Variants in RALGPS1 observed in about 807,000 individuals in gnomAD.
RALGPS1 encodes the protein Ral GEF with PH domain and SH3 binding motif 1.
A neutral mutation model predicts 78.8 loss-of-function variants in RALGPS1; 19 were observed. The ratio of observed to expected loss-of-function variants is 0.24; its 90% CI spans 0.17 to 0.35. The LOEUF is 0.35. Ranked by LOEUF, RALGPS1 falls within the 10% of genes least tolerant of loss-of-function variation. The pLI, the probability that RALGPS1 is intolerant of heterozygous loss-of-function variation, is 1.00. For missense variants in RALGPS1, 454 were observed against 688.3 expected (o/e 0.66, Z 3.81); for synonymous variants, 228 against 256.3 (o/e 0.89, Z 1.06).
In RALGPS1 at chr9:127,168,532, A is replaced by T. The variant is rs2059405012; in HGVS notation, c.749-147A>T. The T allele has an allele frequency of 4.6e-5, 30 of 651,518 alleles. No individual in the cohort carries two copies. In the South Asian group the frequency reaches 5.5e-4, roughly 12 times the overall value. 40.4% of individuals were successfully genotyped at this position (651,518 alleles called of 1,614,324 possible). On this transcript the variant is annotated intron_variant, in intron 9 of 18. Transcript: ENST00000259351. ...CTGTTCCAGTGGCCAGCACAGGGCCAGTCCCCAAAGAGCATCAGCAACTGC... is the reference window on the plus strand; with the variant it reads ...CTGTTCCAGTGGCCAGCACAGGGCCTGTCCCCAAAGAGCATCAGCAACTGC...
intron 4 of RALGPS1, among the ~76,000 whole-genome samples, chr9:127,019,931 T>C (rs1318214916): frequency 6.6e-6 from 1 of 152,198 alleles, no homozygotes; most frequent in Non-Finnish European, 1.5e-5. Flanking sequence ...TTCTCTTTTT[T>C]AAAATCTCAG....
chr9:127,144,688 G>A (rs1056512109), intron 8 of RALGPS1, among the ~76,000 whole-genome samples: 1 of 152,220 alleles, frequency 6.6e-6, no homozygotes, highest in Admixed American at 6.5e-5. Flanking sequence ...GTGAAGTACC[G>A]ATCCATGCTA....
intron 8 of RALGPS1, among the ~76,000 whole-genome samples, chr9:127,136,312 G>T (rs1017950533): frequency 6.6e-6 from 1 of 152,222 alleles, no homozygotes; most frequent in Non-Finnish European, 1.5e-5. Flanking sequence ...CAGCCAGGGA[G>T]GGGGAGGCCT....
At chr9:127,124,096 C>T (rs1373682213) in intron 8 of RALGPS1, among the ~76,000 whole-genome samples, 1 of 152,212 alleles carries the variant, frequency 6.6e-6, no homozygotes, top group African/African-American at 2.4e-5. Context: ...CAATCTCTCC[C>T]AGTCCCCAAG....
intron 8 of RALGPS1, among the ~76,000 whole-genome samples, chr9:127,155,353 AGT>A (rs1229463770): frequency 6.6e-6 from 1 of 152,206 alleles, no homozygotes; most frequent in East Asian, 1.9e-4. Flanking sequence ...AGGAAAGGAC[AGT>A]GTGCTGCGAG....
At chr9:126,998,765 A>AC (rs1305333000) in intron 4 of RALGPS1, among the ~76,000 whole-genome samples, 1 of 152,006 alleles carries the variant, frequency 6.6e-6, no homozygotes. Context: ...CTTGGAACCA[A>AC]CCTAAATGTC....
At chr9:127,215,329 G>C (rs971257845) in intron 18 of RALGPS1, among the ~76,000 whole-genome samples, 1 of 152,230 alleles carries the variant, frequency 6.6e-6, no homozygotes, top group Admixed American at 6.5e-5. Context: ...GTGTGTTTGA[G>C]CCAGCAGGAT....
At chr9:127,187,426 C>T (rs908431058) in intron 11 of RALGPS1, among the ~76,000 whole-genome samples, 3 of 152,252 alleles carry the variant, frequency 2.0e-5, no homozygotes, top group African/African-American at 4.8e-5. Flanking sequence ...CTGCCTCCAG[C>T]GTGCAGTAGC....
intron 1 of RALGPS1, among the ~76,000 whole-genome samples, chr9:126,922,802 C>T (rs574051964): frequency 9.8e-5 from 15 of 152,348 alleles, no homozygotes; most frequent in African/African-American, 3.6e-4. Flanking sequence ...GGGCCTACCC[C>T]AGGGCTGGTA....
At chr9:127,215,499 C>T (rs1452542269) in intron 18 of RALGPS1, among the ~76,000 whole-genome samples, 3 of 152,202 alleles carry the variant, frequency 2.0e-5, no homozygotes, top group East Asian at 1.9e-4. Context: ...TTACTGTCTC[C>T]GTTTTATGCT....
chr9:127,013,539 C>T (rs2044544944), intron 4 of RALGPS1, among the ~76,000 whole-genome samples: 1 of 152,154 alleles, frequency 6.6e-6, no homozygotes, highest in African/African-American at 2.4e-5. Flanking sequence ...CTATCTTCCC[C>T]TTTTCCACCT....
chr9:127,037,187 G>A (rs553934651), intron 5 of RALGPS1, among the ~76,000 whole-genome samples: 1 of 152,340 alleles, frequency 6.6e-6, no homozygotes, highest in South Asian at 2.1e-4. Flanking sequence ...AAACAAAGGG[G>A]CAGAGTAGTA....
chr9:127,071,113 CATAT>C (rs79918276), intron 8 of RALGPS1, among the ~76,000 whole-genome samples: 66,926 of 148,028 alleles, frequency 0.45, 15,751 homozygotes, highest in Non-Finnish European at 0.52. Context: ...CTAAAGCAAA[CATAT>C]ATATATATAT....
intron 8 of RALGPS1, among the ~76,000 whole-genome samples, chr9:127,080,707 ATAAATATT>A (rs1229190032): frequency 1.3e-5 from 2 of 152,210 alleles, no homozygotes. Flanking sequence ...GTCCCAACTG[ATAAATATT>A]TAGACTGTTT....
At chr9:127,168,264 TG>T in intron 9 of RALGPS1, among the ~76,000 whole-genome samples, 1 of 152,320 alleles carries the variant, frequency 6.6e-6, no homozygotes, top group East Asian at 1.9e-4. Flanking sequence ...GTCACACAGC[TG>T]GTGGGTAGAT....
At chr9:127,117,220 A>T (rs151125475) in intron 8 of RALGPS1, among the ~76,000 whole-genome samples, 1 of 152,170 alleles carries the variant, frequency 6.6e-6, no homozygotes, top group Non-Finnish European at 1.5e-5. Context: ...TCCCTCCTTC[A>T]GCTCACAAGT....
At chr9:126,994,502 C>G (rs1234214849) in intron 4 of RALGPS1, among the ~76,000 whole-genome samples, 2 of 152,142 alleles carry the variant, frequency 1.3e-5, no homozygotes, top group Admixed American at 1.3e-4. Flanking sequence ...AAGAAATGAA[C>G]AAAGCCTCCA....
chr9:127,183,320 T>C lies in RALGPS1; in HGVS notation c.910+8538T>C, dbSNP rs1436921912. Reference sequence around the variant, plus strand: ...GTATTTCAGAGATTCCACAAGTCCCTTGACCCAGGCAGATGCAAACCTATT... The same window carrying C: ...GTATTTCAGAGATTCCACAAGTCCCCTGACCCAGGCAGATGCAAACCTATT... On this transcript the variant is annotated intron_variant, in intron 11 of 18. Coordinates refer to ENST00000259351, the MANE Select transcript of RALGPS1 (RefSeq NM_014636.3). This position sits in a 1 kb window ranked among gnomAD's most constrained non-coding sequence, Gnocchi z 4.0. Among the ~76,000 whole-genome samples the C allele has an allele frequency of 5.3e-5, 8 of 152,316 alleles. No individual in the cohort carries two copies. The South Asian group carries it at 6.2e-4, about 12-fold the overall frequency.
In RALGPS1 at chr9:127,161,540, T is replaced by C. The variant is rs534792185; in HGVS notation, c.611-4529T>C. 2.0e-5 allele frequency among the ~76,000 whole-genome samples: 3 copies of C among 152,288 alleles called. 1 individual carries two copies. The South Asian group carries it at 6.2e-4, about 32-fold the overall frequency. The stretch of plus-strand genomic sequence containing the variant: ...GCAGAGCTGGAAGGACCCGCAGGAC[T>C]GGGTGGGACACTGATGATGGGACCT... On this transcript the variant is annotated intron_variant, in intron 8 of 18. Coordinates refer to ENST00000259351, the MANE Select transcript of RALGPS1 (RefSeq NM_014636.3).
Sources: allele counts gnomAD v4.1 joint callset (sites outside exome capture counted in the v4.1 genomes callset), GRCh38; gene constraint gnomAD v4.1.1; non-coding constraint Gnocchi (gnomAD v3.1); transcripts MANE v1.5; gene names NCBI Gene and HGNC (gene_info 2026-07-23, HGNC 2026-07-21).